Variants in AJAP1 observed in about 807,000 individuals in gnomAD.
AJAP1 encodes the protein adherens junctions associated protein 1.
A neutral mutation model predicts 35.0 loss-of-function variants in AJAP1; 5 were observed. That is an observed-to-expected ratio of 0.14 (90% CI 0.07 to 0.30). The LOEUF (loss-of-function observed/expected upper bound fraction) is 0.30. Ranked by LOEUF, AJAP1 falls within the 10% of genes least tolerant of loss-of-function variation. The probability of loss-of-function intolerance (pLI) is 1.00; values close to 1 mark genes in which losing one functional copy is unlikely to be tolerated. For synonymous variants in AJAP1, 284 were observed against 249.3 expected, an observed-to-expected ratio of 1.14 and a Z score of -1.31; for missense variants, 586 against 571.0, an observed-to-expected ratio of 1.03 and a Z score of -0.27.
rs1640496512 is a variant in AJAP1, at chr1:4,720,706, A to T, written c.829+8007A>T. On this transcript the variant is annotated intron_variant, in intron 2 of 5. Coordinates refer to ENST00000378191, the MANE Select transcript of AJAP1 (RefSeq NM_018836.4). The surrounding 1 kb of genome is among the most constrained non-coding windows in gnomAD (Gnocchi z 4.4). ...TTAAAAGATGCACGAAGCCCACCTC[A>T]CCGGTGGCTCTGCCAGGGTAATCGA... is the stretch of plus-strand genomic sequence containing the variant. Among the ~76,000 whole-genome samples, 1 of 152,202 alleles carries T rather than the reference A, an allele frequency of 6.6e-6. No homozygotes were observed. Among genetic ancestry groups the T allele is most frequent in the South Asian group, 2.1e-4 (1 of 4,824 alleles).
chr1:4,735,367 G>A (rs186845374), intron 2 of AJAP1, among the ~76,000 whole-genome samples: 1 of 152,308 alleles, frequency 6.6e-6, no homozygotes, highest in East Asian at 1.9e-4. Flanking sequence ...GCATCAGTGG[G>A]GTGAGAACGC....
chr1:4,720,996 G>T lies in AJAP1; in HGVS notation c.829+8297G>T, dbSNP rs989433949. On this transcript the variant is annotated intron_variant, in intron 2 of 5. Coordinates refer to ENST00000378191, the MANE Select transcript of AJAP1 (RefSeq NM_018836.4). The surrounding 1 kb of genome is among the most constrained non-coding windows in gnomAD (Gnocchi z 4.4). ...GGAGAGGATGGGGGACAGGGATGGGGGCTGGAGCCAGCACCATTTCCTTTG... is the reference window on the plus strand; with the variant it reads ...GGAGAGGATGGGGGACAGGGATGGGTGCTGGAGCCAGCACCATTTCCTTTG... 6.6e-6 allele frequency among the ~76,000 whole-genome samples: 1 copy of T among 152,160 alleles called. No homozygotes were observed. Among genetic ancestry groups the T allele is most frequent in the Non-Finnish European group, 1.5e-5 (1 of 68,036 alleles).
intron 2 of AJAP1, among the ~76,000 whole-genome samples, chr1:4,757,452 C>T (rs1260946177): frequency 6.6e-6 from 1 of 152,200 alleles, no homozygotes; most frequent in Non-Finnish European, 1.5e-5. Flanking sequence ...GGCAAACGGA[C>T]AAAATGGCCA....
Position 4,787,784 on chromosome 1 carries a change from C to A in AJAP1, c.*5299C>A, listed in dbSNP as rs772809472. 9.5e-5 allele frequency: 43 copies of A among 454,194 alleles called. No homozygotes were observed. Among genetic ancestry groups the A allele is most frequent in the Non-Finnish European group, 1.8e-4 (41 of 225,818 alleles). 28.1% of individuals were successfully genotyped at this position (454,194 alleles called of 1,614,324 possible). On this transcript the variant is annotated 3_prime_UTR_variant, in exon 6 of 6. Coordinates refer to ENST00000378191, the MANE Select transcript of AJAP1 (RefSeq NM_018836.4). Reference sequence around the variant, plus strand: ...GGTTCAACGTCAGCGACTTGGCCCACGGGGCACGGGCACCTTGGGGATGCC... The same window carrying A: ...GGTTCAACGTCAGCGACTTGGCCCAAGGGGCACGGGCACCTTGGGGATGCC...
At position 4,713,711 on chromosome 1, in the gene AJAP1, A is replaced by T. The variant is rs527829833; in HGVS notation, c.829+1012A>T. On this transcript the variant is annotated intron_variant, in intron 2 of 5. Coordinates refer to ENST00000378191, the MANE Select transcript of AJAP1 (RefSeq NM_018836.4). ...GTTGGCTCAGAAGTTCACAACCTAGATCTGTGCATACACATTCTAGACAAA... is the reference window on the plus strand; with the variant it reads ...GTTGGCTCAGAAGTTCACAACCTAGTTCTGTGCATACACATTCTAGACAAA... 1.7e-4 allele frequency among the ~76,000 whole-genome samples: 26 copies of T among 152,374 alleles called. No homozygotes were observed. The Middle Eastern group carries it at 0.01, about 60-fold the overall frequency.
chr1:4,688,243 C>CG (rs1362693793), intron 1 of AJAP1, among the ~76,000 whole-genome samples: 1 of 151,934 alleles, frequency 6.6e-6, no homozygotes, highest in Non-Finnish European at 1.5e-5. Flanking sequence ...CATTGGCATG[C>CG]GGGGGGAGTG....
chr1:4,668,915 A>G (rs1570091596), intron 1 of AJAP1, among the ~76,000 whole-genome samples: 1 of 152,324 alleles, frequency 6.6e-6, no homozygotes, highest in African/African-American at 2.4e-5. Context: ...GTGAGTCACA[A>G]GTAGGTAGAA....
At chr1:4,696,408 T>A (rs10915588) in intron 1 of AJAP1, among the ~76,000 whole-genome samples, 1 of 151,886 alleles carries the variant, frequency 6.6e-6, no homozygotes, top group African/African-American at 2.4e-5. Flanking sequence ...GTTCCAGCCC[T>A]AGGGGAGCCC....
chr1:4,660,508 T>C (rs1570078654), intron 1 of AJAP1, among the ~76,000 whole-genome samples: 1 of 152,144 alleles, frequency 6.6e-6, no homozygotes, highest in Non-Finnish European at 1.5e-5. Flanking sequence ...CTCTGTATGA[T>C]GTCTTACAAT....
intron 1 of AJAP1, among the ~76,000 whole-genome samples, chr1:4,705,395 CTTTTTT>C (rs58022692): frequency 1.8e-3 from 43 of 23,786 alleles, no homozygotes; most frequent in African/African-American, 5.1e-3. Context: ...TTTTGAAGAG[CTTTTTT>C]TTTTTTTTTT....
At chr1:4,716,820 T>A (rs1352593275) in intron 2 of AJAP1, among the ~76,000 whole-genome samples, 1 of 152,052 alleles carries the variant, frequency 6.6e-6, no homozygotes, top group African/African-American at 2.4e-5. Context: ...TGTGCTAATT[T>A]GCTGCCACTA....
At chr1:4,674,098 A>G (rs1215285810) in intron 1 of AJAP1, among the ~76,000 whole-genome samples, 5 of 151,796 alleles carry the variant, frequency 3.3e-5, no homozygotes, top group African/African-American at 4.8e-5. Flanking sequence ...TTCAAATACA[A>G]ATGTTACTGG....
intron 2 of AJAP1, among the ~76,000 whole-genome samples, chr1:4,724,580 C>T (rs2100288279): frequency 6.6e-6 from 1 of 152,256 alleles, no homozygotes; most frequent in Admixed American, 6.5e-5. Flanking sequence ...TCAATAATTG[C>T]CAGTGTCATC....
rs3766962 is a variant in AJAP1, at chr1:4,728,294, C to T, written c.829+15595C>T. On this transcript the variant is annotated intron_variant, in intron 2 of 5. Coordinates refer to ENST00000378191, the MANE Select transcript of AJAP1 (RefSeq NM_018836.4). Reference sequence around the variant, plus strand: ...AGAGGAGCCCTGGGCCCCAGCGGACCCTGGCTGAGCACGGGGCCCTTCCGA... The same window carrying T: ...AGAGGAGCCCTGGGCCCCAGCGGACTCTGGCTGAGCACGGGGCCCTTCCGA... Among the ~76,000 whole-genome samples, 2,339 of 152,142 alleles carry T rather than the reference C, an allele frequency of 0.015. 82 individuals carry two copies. The East Asian group carries it at 0.16, about 10-fold the overall frequency.
rs373601452 is a variant in AJAP1 at position 4,791,941 on chromosome 1, C to G, written c.*9456C>G. 4 of 152,340 alleles carry G rather than the reference C, an allele frequency of 2.6e-5. No individual in the cohort carries two copies. The highest frequency in any genetic ancestry group is 9.6e-5 in the African/African-American group (4 of 41,570). 9.4% of individuals were successfully genotyped at this position (152,340 alleles called of 1,614,324 possible). A position where few individuals can be genotyped will look rare whatever the true frequency, so the allele number is the denominator to read the frequency against. ...AGAAATTCACAAACCTGAAGCTGAA[C>G]CACAGGACAAGAAATTAAACAGCAA... is the stretch of plus-strand genomic sequence containing the variant. On this transcript the variant is annotated 3_prime_UTR_variant, in exon 6 of 6. Coordinates refer to ENST00000378191, the MANE Select transcript of AJAP1 (RefSeq NM_018836.4).
At chr1:4,687,363 T>G (rs1639630127) in intron 1 of AJAP1, among the ~76,000 whole-genome samples, 1 of 151,404 alleles carries the variant, frequency 6.6e-6, no homozygotes, top group Admixed American at 6.6e-5. Flanking sequence ...TTAAGCGGAG[T>G]GTAAAAATGT....
At chr1:4,781,799 T>C (rs1289027781) in intron 5 of AJAP1, among the ~76,000 whole-genome samples, 1 of 152,198 alleles carries the variant, frequency 6.6e-6, no homozygotes, top group Non-Finnish European at 1.5e-5. Context: ...GTCTGAGGGA[T>C]GCTGACCTAC....
rs1638852585 is a variant in AJAP1, at chr1:4,655,315, G to A, written c.-111G>A. The A allele has an allele frequency of 8.6e-6, 8 of 926,730 alleles. No homozygotes were observed. Among genetic ancestry groups the A allele is most frequent in the Non-Finnish European group, 1.1e-5 (8 of 727,220 alleles). 57.4% of individuals were successfully genotyped at this position (926,730 alleles called of 1,614,324 possible). ...CGCGGCCGGCGGGCGGCGGGAGGCGGCGGACCGAGAGCCGGAGACCGGCGC... is the reference window on the plus strand; with the variant it reads ...CGCGGCCGGCGGGCGGCGGGAGGCGACGGACCGAGAGCCGGAGACCGGCGC... On this transcript the variant is annotated 5_prime_UTR_variant, in exon 1 of 6. Transcript: ENST00000378191. This position sits in a 1 kb window ranked among gnomAD's most constrained non-coding sequence, Gnocchi z 6.9.
chr1:4,668,322 CTGTGTGTGTGTGTGCGTGTGCGTG>C (rs1230070858), intron 1 of AJAP1, among the ~76,000 whole-genome samples: 88 of 151,076 alleles, frequency 5.8e-4, no homozygotes, highest in Non-Finnish European at 1.0e-3. Context: ...GAGAGCAGTG[CTGTGTGTGTGTGTGCGTGTGCGTG>C]TGTGTGTGTG....
Sources: gnomAD v4.1 joint callset for allele counts (sites outside exome capture counted in the v4.1 genomes callset) on GRCh38, gnomAD v4.1.1 for gene constraint, Gnocchi (gnomAD v3.1) non-coding constraint, MANE v1.5 for transcripts, NCBI Gene and HGNC (gene_info 2026-07-23, HGNC 2026-07-21) for gene names.